The following DNASE1 variants were observed in gnomAD, a reference collection of about 807,000 sequenced individuals.
The protein encoded by DNASE1 is deoxyribonuclease-1.
A neutral mutation model predicts 33.9 loss-of-function variants in DNASE1; 40 were observed. The observed-to-expected ratio is 1.18, with a 90% CI of 0.92 to 1.54. DNASE1 has a LOEUF of 1.54. Ranked by LOEUF, DNASE1 falls within the 40% of genes most tolerant of loss-of-function variation. DNASE1 has a pLI of 0.00. For synonymous variants in DNASE1, 216 were observed against 160.0 expected, an observed-to-expected ratio of 1.35 and a Z score of -2.64; for missense variants, 518 against 372.6, an observed-to-expected ratio of 1.39 and a Z score of -3.21.
rs746102135 is a variant in DNASE1, at chr16:3,657,030, T to C, written c.468T>C (p.His156=). 1.2e-6 allele frequency: 2 copies of C among 1,613,774 alleles called. No homozygotes were observed. Among genetic ancestry groups the C allele is most frequent in the African/African-American group, 1.3e-5 (1 of 74,916 alleles). Residue 156 remains histidine (H), a synonymous_variant, in exon 6 of 9, where the codon CAT becomes CAC. Transcript: ENST00000246949. ...GGGAGTTTGCCATTGTTCCCCTGCA[T>C]GCGGCCCCGGGGGACGCAGTAGCCG... is the stretch of plus-strand genomic sequence containing the variant. ...EVREFAIVPL[H]AAPGDAVAEI... is the part of the protein sequence containing the mutation.
chr16:3,619,631 G>A (rs1470763853), intron 1 of DNASE1, among the ~76,000 whole-genome samples: 1 of 152,056 alleles, frequency 6.6e-6, no homozygotes, highest in African/African-American at 2.4e-5. Flanking sequence ...AAAGTGCTGG[G>A]ATTACAGGCA....
upstream of DNASE1, chr16:3,650,590 T>C (rs1458600732): frequency 6.8e-6 from 1 of 147,206 alleles, no homozygotes; most frequent in Non-Finnish European, 1.5e-5. Flanking sequence ...TAAGTCCAGA[T>C]TATATGGTCA....
chr16:3,628,993 G>A (rs1324268899), intron 1 of DNASE1, among the ~76,000 whole-genome samples: 1 of 149,836 alleles, frequency 6.7e-6, no homozygotes, highest in Non-Finnish European at 1.5e-5. Context: ...CCAACATAGT[G>A]AAACCCTGTC....
intron 1 of DNASE1, among the ~76,000 whole-genome samples, chr16:3,618,436 A>T (rs1006459665): frequency 6.6e-6 from 1 of 152,154 alleles, no homozygotes; most frequent in African/African-American, 2.4e-5. Context: ...AAAAATTGAA[A>T]AAGTGTTTAA....
At chr16:3,642,952 C>T (rs1337810675) in exon 1 of DNASE1, 1 of 152,834 alleles carries the variant, frequency 6.5e-6, no homozygotes, top group Non-Finnish European at 1.5e-5. Flanking sequence ...TGCCCAGGAC[C>T]CGAGGAGCCG....
downstream of DNASE1, chr16:3,658,102 G>GTGTC (rs769947438): frequency 3.7e-6 from 6 of 1,611,076 alleles, no homozygotes; most frequent in Middle Eastern, 1.7e-4. Context: ...GTCATCTGTG[G>GTGTC]TGTCAGTCCT....
At chr16:3,660,907 G>A (rs890737868), downstream of DNASE1, 1 of 152,140 alleles carries the variant, frequency 6.6e-6, no homozygotes, top group African/African-American at 2.4e-5. Context: ...CTGGGGGACA[G>A]AGTGAGACCC....
intron 1 of DNASE1, among the ~76,000 whole-genome samples, chr16:3,622,646 C>T (rs1349919055): frequency 1.3e-5 from 2 of 152,028 alleles, no homozygotes; most frequent in East Asian, 3.9e-4. Context: ...GAGGTGGAGT[C>T]TCACCATGTT....
At chr16:3,626,609 G>C (rs1480729809) in intron 1 of DNASE1, among the ~76,000 whole-genome samples, 1 of 152,188 alleles carries the variant, frequency 6.6e-6, no homozygotes, top group African/African-American at 2.4e-5. Context: ...TTTCTCTGTT[G>C]TTAGGTGGAG....
intron 1 of DNASE1, among the ~76,000 whole-genome samples, chr16:3,637,373 T>C (rs550541058): frequency 1.3e-5 from 2 of 152,276 alleles, no homozygotes; most frequent in South Asian, 4.1e-4. Flanking sequence ...ATTTATGTGG[T>C]GGGAAGGAGG....
In DNASE1 at chr16:3,654,901, G is replaced by A. The variant is rs1402958539; in HGVS notation, c.-145G>A. The A allele has an allele frequency of 4.6e-6, 2 of 437,454 alleles. No individual in the cohort carries two copies. The highest frequency in any genetic ancestry group is 4.0e-6 in the Non-Finnish European group (1 of 250,260). 27.1% of individuals were successfully genotyped at this position (437,454 alleles called of 1,614,324 possible). On this transcript the variant is annotated 5_prime_UTR_variant, in exon 1 of 9. Coordinates refer to ENST00000246949, the MANE Select transcript of DNASE1 (RefSeq NM_005223.4). ...ATCCGGAGCCCAGCAGCACTGCCAG[G>A]GCCTTGAAGTGCTTCTTCAGAGACC...
chr16:3,615,003 G>A (rs1372615603), intron 1 of DNASE1, among the ~76,000 whole-genome samples: 1 of 152,020 alleles, frequency 6.6e-6, no homozygotes, highest in Non-Finnish European at 1.5e-5. Flanking sequence ...TAAATTAGTT[G>A]AAGTGTGGTT....
downstream of DNASE1, chr16:3,659,764 G>T (rs2042960724): frequency 6.6e-6 from 1 of 150,948 alleles, no homozygotes; most frequent in South Asian, 2.1e-4. Context: ...TAGATAGATA[G>T]ATAGATAGAT....
At position 3,657,113 on chromosome 16, in the gene DNASE1, T is replaced by A; in HGVS notation, c.549+2T>A. On this transcript the variant is annotated splice_donor_variant, in intron 6 of 8. Coordinates refer to ENST00000246949, the MANE Select transcript of DNASE1 (RefSeq NM_005223.4). LOFTEE classifies it high-confidence loss of function. ...GTCCAAGAGAAATGGGGCTTGGAGG[T>A]GAGGCCCTCCCAGGGGCAGTGGGCA... 1 of 1,614,024 alleles carries A rather than the reference T, an allele frequency of 6.2e-7. No individual in the cohort carries two copies. Among genetic ancestry groups the A allele is most frequent in the Non-Finnish European group, 8.5e-7 (1 of 1,179,996 alleles).
Position 3,658,006 on chromosome 16 carries a change from A to G in DNASE1, c.*53A>G, listed in dbSNP as rs2042812992. 1 of 1,611,952 alleles carries G rather than the reference A, an allele frequency of 6.2e-7. No homozygotes were observed. The highest frequency in any genetic ancestry group is 8.5e-7 in the Non-Finnish European group (1 of 1,178,872). On this transcript the variant is annotated 3_prime_UTR_variant, in exon 9 of 9. Coordinates refer to ENST00000246949, the MANE Select transcript of DNASE1 (RefSeq NM_005223.4). ...GCAGGAAGAGAGGACCCATCCTGCC[A>G]CAGGACCCAGAAAAAAAGCCCAACA...
chr16:3,630,080 A>G (rs145999508), intron 1 of DNASE1, among the ~76,000 whole-genome samples: 1 of 152,052 alleles, frequency 6.6e-6, no homozygotes, highest in African/African-American at 2.4e-5. Context: ...CGGCCTCCCA[A>G]AGTGCTGGCT....
chr16:3,616,995 C>T (rs577883975), intron 1 of DNASE1, among the ~76,000 whole-genome samples: 2 of 152,164 alleles, frequency 1.3e-5, no homozygotes, highest in South Asian at 2.1e-4. Flanking sequence ...AATATTAACT[C>T]AGAATGGATC....
chr16:3,629,689 A>T (rs2041635598), intron 1 of DNASE1, among the ~76,000 whole-genome samples: 2 of 152,216 alleles, frequency 1.3e-5, no homozygotes, highest in Non-Finnish European at 2.9e-5. Context: ...GGTAGAATTA[A>T]TCAGTGAAGC....
chr16:3,624,162 A>G (rs1322592228), intron 1 of DNASE1, among the ~76,000 whole-genome samples: 1 of 151,546 alleles, frequency 6.6e-6, no homozygotes, highest in Non-Finnish European at 1.5e-5. Flanking sequence ...CTGTAATCCC[A>G]GGAAGCTGAG....
Sources: allele counts gnomAD v4.1 joint callset (sites outside exome capture counted in the v4.1 genomes callset), GRCh38; gene constraint gnomAD v4.1.1; transcripts MANE v1.5; gene names NCBI Gene and HGNC (gene_info 2026-07-23, HGNC 2026-07-21).